Variants in AGBL4 observed in about 807,000 individuals in gnomAD.
AGBL4 encodes the protein cytosolic carboxypeptidase 6.
AGBL4 carries 58 observed loss-of-function variants against 66.4 expected under a neutral mutation model. The ratio of observed to expected loss-of-function variants is 0.87; its 90% CI spans 0.71 to 1.09. AGBL4 has a LOEUF of 1.09. Ranked by LOEUF, AGBL4 falls within the 50% of genes least tolerant of loss-of-function variation. AGBL4 has a pLI of 0.00. For missense variants in AGBL4, 579 were observed against 631.0 expected, an observed-to-expected ratio of 0.92 and a Z score of 0.88; for synonymous variants, 234 against 222.9, an observed-to-expected ratio of 1.05 and a Z score of -0.44.
chr1:49,133,610 A>C (rs1024323682), intron 4 of AGBL4, among the ~76,000 whole-genome samples: 2 of 152,130 alleles, frequency 1.3e-5, no homozygotes. Context: ...GGTGTTGAGA[A>C]ACAAACACTC....
chr1:49,455,824 T>C (rs765229218), intron 3 of AGBL4, among the ~76,000 whole-genome samples: 27 of 151,754 alleles, frequency 1.8e-4, no homozygotes, highest in Admixed American at 5.3e-4. Flanking sequence ...CTTACCTCAC[T>C]GTTTTTGAAC....
At chr1:49,852,575 T>C (rs1260031710) in intron 1 of AGBL4, among the ~76,000 whole-genome samples, 1 of 152,012 alleles carries the variant, frequency 6.6e-6, no homozygotes, top group African/African-American at 2.4e-5. Context: ...AAGTCTCTTA[T>C]GGGAAAAACA....
chr1:49,957,712 C>G (rs530268295), intron 1 of AGBL4, among the ~76,000 whole-genome samples: 55 of 151,886 alleles, frequency 3.6e-4, no homozygotes, highest in East Asian at 3.3e-3. Flanking sequence ...CCATTTGCTT[C>G]GTAGATCTTC....
intron 1 of AGBL4, among the ~76,000 whole-genome samples, chr1:49,880,110 C>A (rs1384237860): frequency 1.3e-5 from 2 of 151,858 alleles, no homozygotes; most frequent in East Asian, 1.9e-4. Context: ...GTTTGAATGT[C>A]CTCCCGTAGC....
intron 2 of AGBL4, among the ~76,000 whole-genome samples, chr1:49,842,930 A>C (rs1178441998): frequency 2.0e-5 from 3 of 151,918 alleles, no homozygotes; most frequent in African/African-American, 7.3e-5. Context: ...GCTTAAACCA[A>C]ATAATTGTTT....
At chr1:49,818,104 C>T (rs191246392) in intron 2 of AGBL4, among the ~76,000 whole-genome samples, 1 of 151,982 alleles carries the variant, frequency 6.6e-6, no homozygotes, top group Admixed American at 6.6e-5. Flanking sequence ...GACATTGATC[C>T]ACACTAGCAG....
intron 6 of AGBL4, among the ~76,000 whole-genome samples, chr1:48,810,199 G>T (rs1326281832): frequency 1.3e-5 from 2 of 152,196 alleles, no homozygotes; most frequent in Non-Finnish European, 2.9e-5. Context: ...CAGCCCCTGT[G>T]CTTGAGGTGC....
chr1:49,957,840 G>A (rs1472248277), intron 1 of AGBL4, among the ~76,000 whole-genome samples: 2 of 151,974 alleles, frequency 1.3e-5, no homozygotes, highest in Non-Finnish European at 1.5e-5. Flanking sequence ...CTTTTAATTG[G>A]AGCATTTAGC....
intron 2 of AGBL4, among the ~76,000 whole-genome samples, chr1:49,753,908 T>C (rs72903725): frequency 0.018 from 2,818 of 152,352 alleles, 82 homozygotes; most frequent in African/African-American, 0.064. Flanking sequence ...TCCTGTGTTT[T>C]TCAGCTCCAT....
chr1:49,210,022 G>C (rs1446391037), intron 4 of AGBL4, among the ~76,000 whole-genome samples: 3 of 152,084 alleles, frequency 2.0e-5, no homozygotes, highest in African/African-American at 7.2e-5. Flanking sequence ...TTATGTTCAA[G>C]TGAAAAGTGT....
intron 3 of AGBL4, among the ~76,000 whole-genome samples, chr1:49,433,517 T>C (rs1446563020): frequency 6.6e-6 from 1 of 152,170 alleles, no homozygotes; most frequent in African/African-American, 2.4e-5. Context: ...GAACACACTT[T>C]AGTTTTTTCC....
chr1:48,595,938 A>G (rs891221021), intron 9 of AGBL4, among the ~76,000 whole-genome samples: 1 of 152,208 alleles, frequency 6.6e-6, no homozygotes, highest in East Asian at 1.9e-4. Context: ...AGGACAGAGG[A>G]GTTTTATCTC....
chr1:49,795,180 A>G (rs1040988081), intron 2 of AGBL4, among the ~76,000 whole-genome samples: 1 of 151,860 alleles, frequency 6.6e-6, no homozygotes, highest in African/African-American at 2.4e-5. Flanking sequence ...GCCTAAACAT[A>G]AGCATTCAGC....
At chr1:49,346,479 G>A (rs886067120) in intron 3 of AGBL4, among the ~76,000 whole-genome samples, 1 of 152,186 alleles carries the variant, frequency 6.6e-6, no homozygotes, top group South Asian at 2.1e-4. Flanking sequence ...TACTTGGGAA[G>A]ATTTTACTTA....
intron 5 of AGBL4, among the ~76,000 whole-genome samples, chr1:48,968,638 G>C (rs1295929982): frequency 6.6e-6 from 1 of 152,108 alleles, no homozygotes; most frequent in Non-Finnish European, 1.5e-5. Context: ...TAGAGAAGCT[G>C]AGTCCTAGAG....
At chr1:48,870,858 G>A (rs1282166956) in intron 5 of AGBL4, among the ~76,000 whole-genome samples, 1 of 152,158 alleles carries the variant, frequency 6.6e-6, no homozygotes, top group South Asian at 2.1e-4. Flanking sequence ...CTTAAAACAG[G>A]ATTACAAAAC....
intron 6 of AGBL4, among the ~76,000 whole-genome samples, chr1:48,690,391 C>T (rs945455676): frequency 6.6e-6 from 1 of 152,162 alleles, no homozygotes; most frequent in Non-Finnish European, 1.5e-5. Flanking sequence ...AAGGAGGCAA[C>T]TTTCCCAAGG....
intron 3 of AGBL4, among the ~76,000 whole-genome samples, chr1:49,415,216 T>C (rs1182891621): frequency 1.3e-5 from 2 of 152,166 alleles, no homozygotes; most frequent in African/African-American, 4.8e-5. Context: ...TGATTAGAAT[T>C]ATTTTTGTCT....
intron 7 of AGBL4, among the ~76,000 whole-genome samples, chr1:48,658,889 CTCT>C (rs2148450611): frequency 6.6e-6 from 1 of 152,040 alleles, no homozygotes; most frequent in South Asian, 2.1e-4. Context: ...ATCCTCCTCC[CTCT>C]TCTTACTCCC....
Sources: allele counts gnomAD v4.1 joint callset (sites outside exome capture counted in the v4.1 genomes callset), GRCh38; gene constraint gnomAD v4.1.1; transcripts MANE v1.5; gene names NCBI Gene and HGNC (gene_info 2026-07-23, HGNC 2026-07-21).